The following RBM47 variants were observed in gnomAD, a reference collection of about 807,000 sequenced individuals.
RBM47 encodes RNA binding motif protein 47, also known as RNA-binding protein 47.
RBM47 carries 21 observed loss-of-function variants against 47.1 expected under a neutral mutation model. That is an observed-to-expected ratio of 0.45 (90% confidence interval 0.32 to 0.64). The LOEUF is 0.64. Ranked by LOEUF, RBM47 falls within the 30% of genes least tolerant of loss-of-function variation. The pLI, the probability that RBM47 is intolerant of heterozygous loss-of-function variation, is 0.05. For missense variants in RBM47, 708 were observed against 870.9 expected (o/e 0.81, Z 2.35); for synonymous variants, 375 against 361.7 (o/e 1.04, Z -0.42).
intron 1 of RBM47, among the ~76,000 whole-genome samples, chr4:40,593,382 T>C (rs565084058): frequency 6.6e-6 from 1 of 152,258 alleles, no homozygotes; most frequent in African/African-American, 2.4e-5. Context: ...ATGAAAGCAC[T>C]GAATAATACC....
intron 2 of RBM47, among the ~76,000 whole-genome samples, chr4:40,487,635 C>G (rs888689965): frequency 1.7e-4 from 26 of 152,168 alleles, no homozygotes; most frequent in African/African-American, 6.3e-4. Flanking sequence ...CAACTAGGCA[C>G]CCCTCTGTGC....
intron 1 of RBM47, among the ~76,000 whole-genome samples, chr4:40,612,083 T>A (rs1736312475): frequency 1.3e-5 from 2 of 152,268 alleles, no homozygotes; most frequent in Admixed American, 1.3e-4. Flanking sequence ...CCTGTAGAAG[T>A]CTGAAAGTGA....
intron 1 of RBM47, among the ~76,000 whole-genome samples, chr4:40,602,673 A>G (rs1323826757): frequency 1.3e-5 from 2 of 151,500 alleles, no homozygotes; most frequent in East Asian, 1.9e-4. Flanking sequence ...AAGGAATATC[A>G]TAAATCTCAA....
rs144744695 is a variant in RBM47 at position 40,614,176 on chromosome 4, A to C, written c.-240+15220T>G. Among the ~76,000 whole-genome samples, 429 of 152,308 alleles carry C rather than the reference A, an allele frequency of 2.8e-3. 1 individual carries two copies. Among genetic ancestry groups the C allele is most frequent in the African/African-American group, 0.01 (416 of 41,556 alleles). ...TAAGAACTTTGTAAGATTTGGAACG[A>C]GCCATCTAACCCAGCATTATTTCCT... On this transcript the variant is annotated intron_variant, in intron 1 of 6. Coordinates refer to ENST00000295971, the MANE Select transcript of RBM47 (RefSeq NM_001098634.2).
intron 1 of RBM47, among the ~76,000 whole-genome samples, chr4:40,546,848 A>G (rs553001123): frequency 6.6e-6 from 1 of 152,292 alleles, no homozygotes; most frequent in South Asian, 2.1e-4. Context: ...TCTCCTGTCC[A>G]CCTAACCCTT....
intron 1 of RBM47, among the ~76,000 whole-genome samples, chr4:40,579,504 A>C (rs376102033): frequency 3.9e-5 from 6 of 152,026 alleles, no homozygotes; most frequent in Non-Finnish European, 5.9e-5. Context: ...GTAAAACTCT[A>C]TAACTTTAAG....
chr4:40,630,305 T>C (rs988873502), upstream of RBM47: 3 of 152,158 alleles, frequency 2.0e-5, no homozygotes, highest in African/African-American at 4.8e-5. Flanking sequence ...CAGAACCACG[T>C]TGGAGAAATT....
At chr4:40,433,005 G>T in intron 5 of RBM47, 143 bp from the exon 6 acceptor site, 1 of 1,245,530 alleles carries the variant, frequency 8.0e-7, no homozygotes, top group Non-Finnish European at 1.1e-6. Context: ...CTGTGGCCCA[G>T]GCTGGAATGC....
intron 2 of RBM47, among the ~76,000 whole-genome samples, chr4:40,487,241 T>G (rs1294156008): frequency 2.0e-5 from 3 of 152,192 alleles, no homozygotes; most frequent in Admixed American, 1.3e-4. Flanking sequence ...TCAGATTTCC[T>G]CAAGGACTCC....
Position 40,438,330 on chromosome 4 carries a change from G to A in RBM47, c.564C>T (p.Ala188=), listed in dbSNP as rs761477728. The A allele has an allele frequency of 2.1e-5, 34 of 1,609,024 alleles. No homozygotes were observed. Among genetic ancestry groups the A allele is most frequent in the Non-Finnish European group, 2.6e-5 (31 of 1,179,946 alleles). Residue 188 remains alanine (A), a synonymous_variant, in exon 4 of 7, where the codon GCC becomes GCT. Transcript: ENST00000295971. ...CGAAGCCGCGGTTCTTCATCTTGTC[G>A]GCCGCGCTGGCGTAGACGATCACGT... ...VLDVIVYASA[A]DKMKNRGFAF...
At chr4:40,617,158 G>C (rs1422044315) in intron 1 of RBM47, among the ~76,000 whole-genome samples, 1 of 152,040 alleles carries the variant, frequency 6.6e-6, no homozygotes, top group African/African-American at 2.4e-5. Context: ...TTACAGGCGT[G>C]AGACACTGCG....
At chr4:40,554,585 A>G (rs1044499231) in intron 1 of RBM47, among the ~76,000 whole-genome samples, 1 of 152,106 alleles carries the variant, frequency 6.6e-6, no homozygotes, top group African/African-American at 2.4e-5. Context: ...CAAGATGTAC[A>G]TCTCACCTGT....
intron 1 of RBM47, among the ~76,000 whole-genome samples, chr4:40,570,701 A>G (rs976835100): frequency 6.6e-6 from 1 of 152,074 alleles, no homozygotes; most frequent in African/African-American, 2.4e-5. Flanking sequence ...ATTTAAATAA[A>G]TACTGCATAA....
chr4:40,451,790 CG>C (rs1715483973), intron 3 of RBM47, among the ~76,000 whole-genome samples: 1 of 152,132 alleles, frequency 6.6e-6, no homozygotes, highest in South Asian at 2.1e-4. Context: ...GCACTGGCTG[CG>C]TATGAGGCTG....
At position 40,425,856 on chromosome 4, in the gene RBM47, T is replaced by A; in HGVS notation, c.*48A>T. 1 of 1,586,486 alleles carries A rather than the reference T, an allele frequency of 6.3e-7. No homozygotes were observed. Among genetic ancestry groups the A allele is most frequent in the Non-Finnish European group, 8.6e-7 (1 of 1,160,698 alleles). On this transcript the variant is annotated 3_prime_UTR_variant, in exon 7 of 7. Transcript: ENST00000295971. ...TTCCTTCTTCATAAATAGTCAAGCGTTCCTTCAGTGGTGTTTGTGTGGTCT... is the reference window on the plus strand; with the variant it reads ...TTCCTTCTTCATAAATAGTCAAGCGATCCTTCAGTGGTGTTTGTGTGGTCT...
chr4:40,472,176 C>T (rs1443967591), intron 2 of RBM47, among the ~76,000 whole-genome samples: 19 of 152,234 alleles, frequency 1.2e-4, no homozygotes, highest in Admixed American at 1.2e-3. Flanking sequence ...AGTTCCACAC[C>T]CAATCCAAGC....
chr4:40,620,195 GAAAAAAAAAAAAAA>G (rs200356171), intron 1 of RBM47, among the ~76,000 whole-genome samples: 30,571 of 80,566 alleles, frequency 0.38, 3,874 homozygotes, highest in Middle Eastern at 0.5. Context: ...GACTCAGTAT[GAAAAAAAAAAAAAA>G]AAAAAAAAAA....
chr4:40,478,947 T>C (rs1365539367), intron 2 of RBM47, among the ~76,000 whole-genome samples: 2 of 152,236 alleles, frequency 1.3e-5, no homozygotes, highest in African/African-American at 2.4e-5. Context: ...TATTAACACA[T>C]GACTAAAGCA....
intron 1 of RBM47, among the ~76,000 whole-genome samples, chr4:40,549,945 C>T (rs1204017742): frequency 6.6e-6 from 1 of 152,194 alleles, no homozygotes; most frequent in Non-Finnish European, 1.5e-5. Context: ...GCTGGGATTA[C>T]AGGTGTGAGC....
Sources: allele counts gnomAD v4.1 joint callset (sites outside exome capture counted in the v4.1 genomes callset), GRCh38; gene constraint gnomAD v4.1.1; transcripts MANE v1.5; gene names NCBI Gene and HGNC (gene_info 2026-07-23, HGNC 2026-07-21).